The following DYDC1 variants were observed in gnomAD, a reference collection of about 807,000 sequenced individuals.
The protein encoded by DYDC1 is DPY30 domain containing 1.
DYDC1 carries 21 observed loss-of-function variants against 27.9 expected under a neutral mutation model. The ratio of observed to expected loss-of-function variants is 0.75; its 90% CI spans 0.53 to 1.08. The LOEUF (loss-of-function observed/expected upper bound fraction) is 1.08, where lower values mean the gene tolerates loss of function less well. Ranked by LOEUF, DYDC1 falls within the 50% of genes least tolerant of loss-of-function variation. The pLI, the probability that DYDC1 is intolerant of heterozygous loss-of-function variation, is 0.00. For synonymous variants in DYDC1, 67 were observed against 65.8 expected (o/e 1.02, Z -0.09); for missense variants, 202 against 205.9 (o/e 0.98, Z 0.12).
At chr10:80,341,606 T>A (rs182844313) in intron 4 of DYDC1, among the ~76,000 whole-genome samples, 1 of 152,128 alleles carries the variant, frequency 6.6e-6, no homozygotes, top group African/African-American at 2.4e-5. Flanking sequence ...CCCTCAATAT[T>A]CAACATCAGC....
At chr10:80,355,611 C>G (rs1468735663) in intron 1 of DYDC1, among the ~76,000 whole-genome samples, 1 of 152,048 alleles carries the variant, frequency 6.6e-6, no homozygotes, top group Non-Finnish European at 1.5e-5. Context: ...TTAATAAGAG[C>G]AACACAATGG....
chr10:80,343,022 T>C (rs1842398889), intron 3 of DYDC1, among the ~76,000 whole-genome samples: 1 of 148,726 alleles, frequency 6.7e-6, no homozygotes, highest in Non-Finnish European at 1.5e-5. Flanking sequence ...AAGAATATCA[T>C]CTGAAATCAT....
intron 1 of DYDC1, chr10:80,356,228 T>C: frequency 2.0e-6 from 2 of 983,038 alleles, no homozygotes; most frequent in Non-Finnish European, 2.4e-6. Context: ...TCTCCTGTGG[T>C]AAGCAATGTT....
At chr10:80,337,560 G>A in intron 6 of DYDC1, 3 of 441,466 alleles carry the variant, frequency 6.8e-6, no homozygotes, top group Non-Finnish European at 9.0e-6. Context: ...ACTGCCTTCA[G>A]GATAAAATCT....
chr10:80,349,237 C>T (rs1036311046), intron 3 of DYDC1, among the ~76,000 whole-genome samples: 1 of 152,152 alleles, frequency 6.6e-6, no homozygotes, highest in African/African-American at 2.4e-5. Context: ...ACCACACTAA[C>T]GCTGAACTTC....
intron 3 of DYDC1, 92 bp downstream of exon 3, chr10:80,351,807 CTG>C: frequency 9.1e-7 from 1 of 1,093,590 alleles, no homozygotes. Flanking sequence ...ATCTAAATAA[CTG>C]GAGCTGGGAA....
chr10:80,352,814 A>G (rs900030647), intron 1 of DYDC1: 2 of 471,462 alleles, frequency 4.2e-6, no homozygotes, highest in Non-Finnish European at 6.7e-6. Context: ...TACAACTAAC[A>G]TGGTTTCAAA....
In DYDC1 at chr10:80,342,854, G is replaced by A. The variant is rs149908062; in HGVS notation, c.250-493C>T. On this transcript the variant is annotated intron_variant, in intron 3 of 6. Transcript: ENST00000372202. ...AAATTAGCTGGGCAGGGTGGCACATGCCTGTAATCTCAGCTACTCGGGAGG... is the reference window on the plus strand; with the variant it reads ...AAATTAGCTGGGCAGGGTGGCACATACCTGTAATCTCAGCTACTCGGGAGG... Among the ~76,000 whole-genome samples, 606 of 152,080 alleles carry A rather than the reference G, an allele frequency of 4.0e-3. 4 individuals carry two copies. The highest frequency in any genetic ancestry group is 0.01 in the Middle Eastern group (3 of 294).
At chr10:80,348,550 T>C (rs1052381951) in intron 3 of DYDC1, among the ~76,000 whole-genome samples, 9 of 152,294 alleles carry the variant, frequency 5.9e-5, no homozygotes, top group African/African-American at 2.2e-4. Context: ...CCCAAACAAA[T>C]TGTCAGTGGA....
chr10:80,349,764 A>C (rs1359438220), intron 3 of DYDC1, among the ~76,000 whole-genome samples: 1 of 152,194 alleles, frequency 6.6e-6, no homozygotes, highest in Admixed American at 6.5e-5. Flanking sequence ...AAACTTCCAA[A>C]ACCTAATCCC....
rs763303642 is a variant in DYDC1, at chr10:80,338,422, A to C, written c.504+45T>G. The C allele has an allele frequency of 2.5e-6, 4 of 1,606,124 alleles. No homozygotes were observed. The African/African-American group carries it at 5.4e-5, about 22-fold the overall frequency. On this transcript the variant is annotated intron_variant, in intron 6 of 6. Coordinates refer to ENST00000372202, the MANE Select transcript of DYDC1 (RefSeq NM_001269053.2). ...TTTACCTAAGTAAAAAAAATCAAAA[A>C]CAAAAACAAAAACGAGTTTTTTCAC...
At chr10:80,336,339 T>C in intron 6 of DYDC1, 154 bp from the exon 7 acceptor site, 14 of 982,034 alleles carry the variant, frequency 1.4e-5, no homozygotes, top group Non-Finnish European at 1.7e-5. Flanking sequence ...TCAAATTGAA[T>C]ATAACCATAA....
At chr10:80,347,259 A>AT (rs1842705938) in intron 3 of DYDC1, among the ~76,000 whole-genome samples, 1 of 88,974 alleles carries the variant, frequency 1.1e-5, no homozygotes, top group Non-Finnish European at 2.5e-5. Context: ...TCCTTTGCCC[A>AT]TTTTTTAATT....
intron 6 of DYDC1, 120 bp from the exon 7 acceptor site, chr10:80,336,305 G>C: frequency 7.3e-7 from 1 of 1,378,032 alleles, no homozygotes; most frequent in Non-Finnish European, 9.3e-7. Flanking sequence ...CTTTTTGGGA[G>C]TTTCAGATGA....
At chr10:80,355,621 G>T (rs1003183365) in intron 1 of DYDC1, among the ~76,000 whole-genome samples, 1 of 152,130 alleles carries the variant, frequency 6.6e-6, no homozygotes, top group East Asian at 1.9e-4. Context: ...CAACACAATG[G>T]ATTATTATGC....
At chr10:80,354,659 G>C (rs149149257) in intron 1 of DYDC1, among the ~76,000 whole-genome samples, 97 of 152,256 alleles carry the variant, frequency 6.4e-4, no homozygotes, top group African/African-American at 2.1e-3. Context: ...TAGATCATTA[G>C]TGTGGAGCCG....
At chr10:80,352,190 T>C (rs1406263228) in intron 2 of DYDC1, among the ~76,000 whole-genome samples, 188 bp from the exon 3 acceptor site, 3 of 152,196 alleles carry the variant, frequency 2.0e-5, no homozygotes, top group Admixed American at 1.3e-4. Context: ...ATTAAAGTTA[T>C]ACATTGTGTA....
Position 80,351,765 on chromosome 10 carries a change from C to T in DYDC1, c.249+136G>A, listed in dbSNP as rs560996694. The T allele has an allele frequency of 1.0e-4, 77 of 755,142 alleles. 1 individual carries two copies. In the Admixed American group the frequency reaches 1.6e-3, roughly 16 times the overall value. 46.8% of individuals were successfully genotyped at this position (755,142 alleles called of 1,614,324 possible). A position where few individuals can be genotyped will look rare whatever the true frequency, so the allele number is the denominator to read the frequency against. On this transcript the variant is annotated intron_variant, in intron 3 of 6. Transcript: ENST00000372202. ...GCTTCTCCAGCAAAGAAGACACACA[C>T]ATCCATAAAGATGAAGATATTAGGA...
chr10:80,346,821 T>C (rs1842670178), intron 3 of DYDC1, among the ~76,000 whole-genome samples: 1 of 151,764 alleles, frequency 6.6e-6, no homozygotes, highest in East Asian at 1.9e-4. Context: ...ATGCCTGTAA[T>C]CCTAACACTT....
Sources: gnomAD v4.1 joint callset for allele counts (sites outside exome capture counted in the v4.1 genomes callset) on GRCh38, gnomAD v4.1.1 for gene constraint, MANE v1.5 for transcripts, NCBI Gene and HGNC (gene_info 2026-07-23, HGNC 2026-07-21) for gene names.